AMBP: variants seen among roughly 807,000 people sequenced by gnomAD.
AMBP encodes the protein protein AMBP.
In AMBP, 37 loss-of-function variants were observed where a neutral mutation model predicts 46.3. The observed-to-expected ratio is 0.80, with a 90% CI of 0.61 to 1.05. AMBP has a LOEUF of 1.05. Ranked by LOEUF, AMBP falls within the 50% of genes least tolerant of loss-of-function variation. AMBP has a pLI of 0.00. For missense variants in AMBP, 475 were observed against 461.2 expected, an observed-to-expected ratio of 1.03 and a Z score of -0.27; for synonymous variants, 174 against 175.9, an observed-to-expected ratio of 0.99 and a Z score of 0.09.
chr9:114,064,484 A>C (rs1361421850), intron 6 of AMBP, among the ~76,000 whole-genome samples: 1 of 152,224 alleles, frequency 6.6e-6, no homozygotes, highest in Admixed American at 6.5e-5. Flanking sequence ...TGAAAGGATG[A>C]ACATGGTGAG....
In AMBP at chr9:114,061,491, G is replaced by T; in HGVS notation, c.786C>A (p.Gly262=). 6.2e-7 allele frequency: 1 copy of T among 1,614,062 alleles called. No homozygotes were observed. Among genetic ancestry groups the T allele is most frequent in the Non-Finnish European group, 8.5e-7 (1 of 1,179,996 alleles). The part of the protein sequence containing the change: ...TSMACETFQY[G]GCMGNGNNFV... Reference sequence around the variant, plus strand: ...AGTTGTTACCGTTGCCCATGCAGCCGCCGTACTGGAAAGTCTCACAGGCCA... The same window carrying T: ...AGTTGTTACCGTTGCCCATGCAGCCTCCGTACTGGAAAGTCTCACAGGCCA... The change falls in exon 8 of 10, where the codon GGC becomes GGA. Residue 262 remains glycine, a synonymous_variant. Coordinates refer to ENST00000265132, the MANE Select transcript of AMBP (RefSeq NM_001633.4).
Position 114,070,190 on chromosome 9 carries a change from T to C in AMBP, c.557-445A>G, listed in dbSNP as rs75785452. Among the ~76,000 whole-genome samples, 1,354 of 152,350 alleles carry C rather than the reference T, an allele frequency of 8.9e-3. 29 individuals carry two copies. The highest frequency in any genetic ancestry group is 0.031 in the African/African-American group (1,293 of 41,576). ...CAGCTCAGTTCGAACCCAGGTGCTC[T>C]TGATGGCAGCAGTGGGCCATCCGGA... On this transcript the variant is annotated intron_variant, in intron 5 of 9. Coordinates refer to ENST00000265132, the MANE Select transcript of AMBP (RefSeq NM_001633.4).
chr9:114,068,337 C>T (rs943259728), intron 6 of AMBP, among the ~76,000 whole-genome samples: 23 of 152,096 alleles, frequency 1.5e-4, no homozygotes, highest in African/African-American at 5.1e-4. Flanking sequence ...CAGTGACTCA[C>T]GCCTGTAATC....
At chr9:114,073,598 A>G (rs1293554286) in intron 4 of AMBP, among the ~76,000 whole-genome samples, 2 of 151,226 alleles carry the variant, frequency 1.3e-5, no homozygotes, top group African/African-American at 2.4e-5. Flanking sequence ...CCTGGGCTCA[A>G]GTGACCCTCC....
chr9:114,074,023 A>G lies in AMBP; in HGVS notation c.454+13T>C. 1 of 1,607,098 alleles carries G rather than the reference A, an allele frequency of 6.2e-7. No individual in the cohort carries two copies. On this transcript the variant is annotated intron_variant, in intron 4 of 9. Coordinates refer to ENST00000265132, the MANE Select transcript of AMBP (RefSeq NM_001633.4). ...CTTAACTCCAATGGGCACATCTAGTAATGAGCCTTTACCGTAGAGCTTGGC... is the reference window on the plus strand; with the variant it reads ...CTTAACTCCAATGGGCACATCTAGTGATGAGCCTTTACCGTAGAGCTTGGC...
intron 6 of AMBP, among the ~76,000 whole-genome samples, chr9:114,069,141 T>G (rs1310529183): frequency 6.6e-6 from 1 of 152,046 alleles, no homozygotes; most frequent in Non-Finnish European, 1.5e-5. Context: ...TATATAATTT[T>G]CCAAATAATC....
chr9:114,062,162 C>G (rs954756510), intron 7 of AMBP, among the ~76,000 whole-genome samples: 2 of 152,236 alleles, frequency 1.3e-5, no homozygotes, highest in Non-Finnish European at 2.9e-5. Context: ...GCCTTCCCCA[C>G]TAGACCAGAA....
At chr9:114,065,603 C>T (rs1445154004) in intron 6 of AMBP, among the ~76,000 whole-genome samples, 6 of 152,122 alleles carry the variant, frequency 3.9e-5, no homozygotes, top group African/African-American at 7.2e-5. Context: ...TATTCAGACC[C>T]GCATGTGCAC....
chr9:114,062,932 G>A (rs1846656774), intron 6 of AMBP, among the ~76,000 whole-genome samples, 174 bp from the exon 7 acceptor site: 1 of 152,142 alleles, frequency 6.6e-6, no homozygotes, highest in Admixed American at 6.5e-5. Flanking sequence ...CTGAATTCCT[G>A]AACAGGCATC....
At position 114,074,056 on chromosome 9, in the gene AMBP, G is replaced by A. The variant is rs1486931833; in HGVS notation, c.434C>T (p.Thr145Ile). 5.0e-6 allele frequency: 8 copies of A among 1,614,126 alleles called. No individual in the cohort carries two copies. The Admixed American group carries it at 5.0e-5, about 10-fold the overall frequency. The change falls in exon 4 of 10, where the codon ACC becomes ATC. Residue 145 changes from threonine (T) to isoleucine (I), a missense_variant. Thr to Ile is a moderately conservative substitution (Grantham distance 89). Transcript: ENST00000265132. ...TTTACCGTAGAGCTTGGCAGTAATG[G>A]TGGGTCCATGATGGCGGCTGAATTT... ...TKKFSRHHGP[T>I]ITAKLYGRAP...
At chr9:114,073,718 C>G (rs966485208) in intron 4 of AMBP, among the ~76,000 whole-genome samples, 3 of 152,088 alleles carry the variant, frequency 2.0e-5, no homozygotes, top group African/African-American at 7.2e-5. Context: ...AAGGTGGTCT[C>G]AAACTCCTGG....
chr9:114,075,269 C>T (rs968390392), intron 2 of AMBP, among the ~76,000 whole-genome samples: 7 of 152,206 alleles, frequency 4.6e-5, no homozygotes, highest in African/African-American at 1.4e-4. Context: ...GAAGAAGAGA[C>T]AAATCCATGC....
intron 6 of AMBP, among the ~76,000 whole-genome samples, chr9:114,068,469 G>A (rs1429454372): frequency 6.6e-6 from 1 of 151,942 alleles, no homozygotes; most frequent in Non-Finnish European, 1.5e-5. Context: ...AGCCAAGCGT[G>A]GTAGTGGGCA....
Position 114,060,989 on chromosome 9 carries a change from C to T in AMBP, c.963G>A (p.Gln321=), listed in dbSNP as rs1846629671. The change falls in exon 9 of 10, where the codon CAG becomes CAA. Residue 321 remains glutamine, a synonymous_variant. Coordinates refer to ENST00000265132, the MANE Select transcript of AMBP (RefSeq NM_001633.4). The part of the protein sequence containing the change: ...KCVLFPYGGC[Q]GNGNKFYSEK... ...CTGAGTAGAACTTGTTCCCGTTGCC[C>T]TGGCAGCCCCCGTAGGGGAAGAGGA... 3 of 1,614,134 alleles carry T rather than the reference C, an allele frequency of 1.9e-6. No individual in the cohort carries two copies. The South Asian group carries it at 3.3e-5, about 18-fold the overall frequency.
At chr9:114,069,533 G>C (rs1344752331) in intron 6 of AMBP, among the ~76,000 whole-genome samples, 166 bp downstream of exon 6, 1 of 151,992 alleles carries the variant, frequency 6.6e-6, no homozygotes, top group African/African-American at 2.4e-5. Flanking sequence ...GCAGAATCAA[G>C]ATGGAGCCCC....
At chr9:114,063,482 C>G (rs1164823968) in intron 6 of AMBP, among the ~76,000 whole-genome samples, 1 of 152,190 alleles carries the variant, frequency 6.6e-6, no homozygotes, top group Non-Finnish European at 1.5e-5. Context: ...CCAGACCAGT[C>G]TTAAGCTGGT....
At position 114,078,199 on chromosome 9, in the gene AMBP, A is replaced by G. The variant is rs763510484; in HGVS notation, c.11T>C (p.Leu4Pro). 1.9e-6 allele frequency: 3 copies of G among 1,612,512 alleles called. No homozygotes were observed. The highest frequency in any genetic ancestry group is 1.7e-5 in the Admixed American group (1 of 60,020). Residue 4 changes from leucine to proline, a missense_variant, in exon 1 of 10, where the codon CTC becomes CCC. By Grantham distance (98) the Leu-to-Pro change is moderately conservative. Coordinates refer to ENST00000265132, the MANE Select transcript of AMBP (RefSeq NM_001633.4). ...GCTCAGCAGCAAGAGCAGGGCCCCG[A>G]GGCTCCTCATGGCTATGGGCTCCTC... is the stretch of plus-strand genomic sequence containing the variant. MRS[L>P]GALLLLLSAC...
intron 6 of AMBP, among the ~76,000 whole-genome samples, chr9:114,069,141 T>C (rs1310529183): frequency 6.6e-6 from 1 of 152,046 alleles, no homozygotes; most frequent in Non-Finnish European, 1.5e-5. Flanking sequence ...TATATAATTT[T>C]CCAAATAATC....
chr9:114,060,601 G>GTGCT (rs1345648894), intron 9 of AMBP, among the ~76,000 whole-genome samples: 2 of 152,136 alleles, frequency 1.3e-5, no homozygotes, highest in African/African-American at 4.8e-5. Flanking sequence ...TGGGAGGCAG[G>GTGCT]TGCTTTGTCC....
Sources: allele counts gnomAD v4.1 joint callset (sites outside exome capture counted in the v4.1 genomes callset), GRCh38; gene constraint gnomAD v4.1.1; transcripts MANE v1.5; gene names NCBI Gene and HGNC (gene_info 2026-07-23, HGNC 2026-07-21).